Variants in SYN3 observed in about 807,000 individuals in gnomAD.
The protein encoded by SYN3 is synapsin III, also known as synapsin-3.
In SYN3, 35 loss-of-function variants were observed where a neutral mutation model predicts 65.8. The ratio of observed to expected loss-of-function variants is 0.53; its 90% confidence interval spans 0.41 to 0.70. The LOEUF is 0.70. Ranked by LOEUF, SYN3 falls within the 30% of genes least tolerant of loss-of-function variation. SYN3 has a pLI of 0.00. For synonymous variants in SYN3, 270 were observed against 292.9 expected (o/e 0.92, Z 0.80); for missense variants, 680 against 749.0 (o/e 0.91, Z 1.08).
intron 1 of SYN3, among the ~76,000 whole-genome samples, chr22:33,047,863 C>CA (rs58025351): frequency 0.2 from 10,540 of 51,962 alleles, 669 homozygotes; most frequent in Non-Finnish European, 0.27. Flanking sequence ...TTTTCATGTG[C>CA]AAAAAAAAAA....
chr22:32,586,431 A>G (rs1332871715), intron 7 of SYN3, among the ~76,000 whole-genome samples: 4 of 152,206 alleles, frequency 2.6e-5, no homozygotes, highest in African/African-American at 9.7e-5. Flanking sequence ...ATGGTACTGT[A>G]TAACTCATGC....
At chr22:32,842,563 C>G (rs2047940606) in intron 6 of SYN3, among the ~76,000 whole-genome samples, 1 of 152,200 alleles carries the variant, frequency 6.6e-6, no homozygotes, top group Admixed American at 6.5e-5. Flanking sequence ...TAAGAATCTA[C>G]AAGTCATCAC....
intron 6 of SYN3, among the ~76,000 whole-genome samples, chr22:32,621,940 G>A (rs1486826536): frequency 1.3e-5 from 2 of 151,982 alleles, no homozygotes; most frequent in Non-Finnish European, 2.9e-5. Flanking sequence ...GGTCCCCAGA[G>A]GTGGGGCTGA....
chr22:32,848,288 T>C (rs952096839), intron 6 of SYN3, among the ~76,000 whole-genome samples: 2 of 152,218 alleles, frequency 1.3e-5, no homozygotes, highest in African/African-American at 4.8e-5. Context: ...GTAAATCCTT[T>C]CTGCCAGACA....
At chr22:32,581,637 C>G (rs1343656482) in intron 7 of SYN3, among the ~76,000 whole-genome samples, 1 of 152,142 alleles carries the variant, frequency 6.6e-6, no homozygotes, top group Non-Finnish European at 1.5e-5. Context: ...CTAAGATACC[C>G]TAAGTGGGTG....
chr22:33,005,429 C>G (rs1601888318), intron 2 of SYN3, among the ~76,000 whole-genome samples: 1 of 152,200 alleles, frequency 6.6e-6, no homozygotes, highest in Non-Finnish European at 1.5e-5. Context: ...CCTCTGAGTA[C>G]CAAACAGCTG....
chr22:32,531,471 G>C (rs113610650), intron 10 of SYN3, among the ~76,000 whole-genome samples: 10,040 of 152,222 alleles, frequency 0.066, 347 homozygotes, highest in African/African-American at 0.086. Context: ...CCACGGTAGA[G>C]ACAGCCAAAG....
At chr22:32,909,429 C>T (rs1395030840) in intron 4 of SYN3, among the ~76,000 whole-genome samples, 9 of 152,114 alleles carry the variant, frequency 5.9e-5, no homozygotes, top group Non-Finnish European at 1.2e-4. Flanking sequence ...CCCAGCACAC[C>T]GTAGGCCTCA....
At position 32,509,859 on chromosome 22, in the gene SYN3, C is replaced by T. The variant is rs887719653; in HGVS notation, c.*3833G>A. Among the ~76,000 whole-genome samples, 9 of 152,118 alleles carry T rather than the reference C, an allele frequency of 5.9e-5. No homozygotes were observed. The highest frequency in any genetic ancestry group is 1.9e-4 in the African/African-American group (8 of 41,404). ...CTGGGATTACTGATGTGAGCCACTG[C>T]GCCTGGCCCCAGTGGGGAAATTATT... On this transcript the variant is annotated 3_prime_UTR_variant, in exon 14 of 14. Transcript: ENST00000358763.
intron 6 of SYN3, among the ~76,000 whole-genome samples, chr22:32,643,382 G>C (rs760874136): frequency 1.3e-5 from 2 of 152,082 alleles, no homozygotes; most frequent in Non-Finnish European, 2.9e-5. Flanking sequence ...CCCACCAAGG[G>C]GGTGAGATTT....
At chr22:32,807,307 A>T (rs3071342) in intron 6 of SYN3, among the ~76,000 whole-genome samples, 2 of 119,760 alleles carry the variant, frequency 1.7e-5, no homozygotes, top group Admixed American at 1.1e-4. Context: ...TATATATATA[A>T]ATATATAATA....
At chr22:32,839,951 T>C (rs1243310961) in intron 6 of SYN3, among the ~76,000 whole-genome samples, 1 of 151,974 alleles carries the variant, frequency 6.6e-6, no homozygotes, top group Non-Finnish European at 1.5e-5. Context: ...AAACCCATCC[T>C]GCTCACAAGG....
intron 6 of SYN3, among the ~76,000 whole-genome samples, chr22:32,718,190 C>T (rs1251408696): frequency 6.6e-6 from 1 of 152,064 alleles, no homozygotes; most frequent in Non-Finnish European, 1.5e-5. Flanking sequence ...TATGGAGGGG[C>T]CCAGGCTGGG....
At chr22:32,728,543 T>C (rs2061228031) in intron 6 of SYN3, among the ~76,000 whole-genome samples, 1 of 152,184 alleles carries the variant, frequency 6.6e-6, no homozygotes, top group African/African-American at 2.4e-5. Context: ...ACCTTGACCA[T>C]GTATCTCAGT....
chr22:32,802,155 C>T (rs766518496), intron 6 of SYN3: 52 of 1,566,842 alleles, frequency 3.3e-5, no homozygotes, highest in Non-Finnish European at 4.2e-5. Context: ...CCGAGCCCCA[C>T]GCTGCAGCCA....
chr22:32,534,777 A>C (rs921555185), intron 9 of SYN3, among the ~76,000 whole-genome samples: 12 of 152,114 alleles, frequency 7.9e-5, no homozygotes, highest in African/African-American at 2.9e-4. Flanking sequence ...TGGGATGAGG[A>C]GGGACTGTGA....
chr22:32,984,161 C>CAAAAAAAAAAAAAAAAAGAAAAA (rs2052453118), intron 2 of SYN3, among the ~76,000 whole-genome samples: 1 of 93,016 alleles, frequency 1.1e-5, no homozygotes. Flanking sequence ...AAACTCCATC[C>CAAAAAAAAAAAAAAAAAGAAAAA]AAAAAAAAAA....
At chr22:32,604,351 C>T (rs984581845) in intron 6 of SYN3, among the ~76,000 whole-genome samples, 1 of 152,092 alleles carries the variant, frequency 6.6e-6, no homozygotes, top group Admixed American at 6.6e-5. Context: ...TCTCATGTGT[C>T]TCCCTCCTCC....
chr22:32,802,150 C>G, intron 6 of SYN3: 1 of 1,568,930 alleles, frequency 6.4e-7, no homozygotes, highest in Non-Finnish European at 8.6e-7. Context: ...CCCGCCCGAG[C>G]CCCACGCTGC....
Sources: allele counts gnomAD v4.1 joint callset (sites outside exome capture counted in the v4.1 genomes callset), GRCh38; gene constraint gnomAD v4.1.1; transcripts MANE v1.5; gene names NCBI Gene and HGNC (gene_info 2026-07-23, HGNC 2026-07-21).